The following SAXO1 variants were observed in gnomAD, a reference collection of about 807,000 sequenced individuals.
The protein encoded by SAXO1 is 4930500O09Rik.
In SAXO1, 21 loss-of-function variants were observed where a neutral mutation model predicts 17.5. That is an observed-to-expected ratio of 1.20 (90% CI 0.85 to 1.72). The LOEUF is 1.72. Ranked by LOEUF, SAXO1 falls within the 40% of genes most tolerant of loss-of-function variation. The pLI, the probability that SAXO1 is intolerant of heterozygous loss-of-function variation, is 0.00. For synonymous variants in SAXO1, 274 were observed against 216.5 expected (o/e 1.27, Z -2.33); for missense variants, 843 against 596.0 (o/e 1.41, Z -4.32).
chr9:18,942,039 C>G (rs1831585515), intron 2 of SAXO1, among the ~76,000 whole-genome samples, 200 bp from the exon 3 acceptor site: 1 of 116,142 alleles, frequency 8.6e-6, no homozygotes, highest in Admixed American at 7.6e-5. Flanking sequence ...AACTCAGACA[C>G]CTGTATTCAT....
intron 1 of SAXO1, among the ~76,000 whole-genome samples, chr9:19,021,393 A>G (rs1405454385): frequency 1.4e-4 from 22 of 152,182 alleles, no homozygotes; most frequent in Non-Finnish European, 1.5e-5. Flanking sequence ...CTTTTGATGA[A>G]CTCAGGAAAA....
At chr9:18,934,641 C>T (rs866823023) in intron 3 of SAXO1, among the ~76,000 whole-genome samples, 10 of 152,286 alleles carry the variant, frequency 6.6e-5, no homozygotes, top group South Asian at 6.2e-4. Context: ...TATTTGTCTG[C>T]GATGTCCAAC....
At chr9:18,965,212 C>A (rs959116653) in intron 1 of SAXO1, among the ~76,000 whole-genome samples, 1 of 152,148 alleles carries the variant, frequency 6.6e-6, no homozygotes, top group Non-Finnish European at 1.5e-5. Flanking sequence ...TGATGTGGTG[C>A]TGAGAAGAAT....
In SAXO1 at chr9:18,950,953, A is replaced by G; in HGVS notation, c.39-16T>C. The G allele has an allele frequency of 6.3e-7, 1 of 1,599,388 alleles. No homozygotes were observed. The highest frequency in any genetic ancestry group is 8.5e-7 in the Non-Finnish European group (1 of 1,171,554). ...GTGATGCCGCCTATAAAAGACACAG[A>G]GTTAGGTTGATTACCTTCTTGGGAG... is the stretch of plus-strand genomic sequence containing the variant. On this transcript the variant is annotated splice_polypyrimidine_tract_variant and intron_variant, in intron 1 of 3. Coordinates refer to ENST00000380534, the MANE Select transcript of SAXO1 (RefSeq NM_153707.4).
intron 1 of SAXO1, among the ~76,000 whole-genome samples, chr9:19,047,929 A>G (rs1836261104): frequency 6.6e-6 from 1 of 152,198 alleles, no homozygotes; most frequent in Non-Finnish European, 1.5e-5. Context: ...TGGTGGTGAA[A>G]GGCGATCAGA....
intron 1 of SAXO1, among the ~76,000 whole-genome samples, chr9:19,030,411 GAA>G (rs1364736519): frequency 6.6e-6 from 1 of 150,636 alleles, no homozygotes; most frequent in African/African-American, 2.5e-5. Flanking sequence ...CCAGACTTTA[GAA>G]AAGAGTCAAT....
intron 1 of SAXO1, among the ~76,000 whole-genome samples, chr9:18,984,553 G>C (rs183263738): frequency 1.3e-5 from 2 of 152,212 alleles, no homozygotes; most frequent in Non-Finnish European, 2.9e-5. Context: ...ATGTTGTAAA[G>C]AAGGCTTCTT....
At chr9:18,937,587 T>A (rs953306779) in intron 3 of SAXO1, among the ~76,000 whole-genome samples, 4 of 152,224 alleles carry the variant, frequency 2.6e-5, no homozygotes, top group Admixed American at 2.0e-4. Context: ...TACGGTGGTA[T>A]TGGGAGGTGA....
upstream of SAXO1, among the ~76,000 whole-genome samples, chr9:19,035,493 T>C (rs749537091): frequency 1.3e-5 from 2 of 152,156 alleles, no homozygotes; most frequent in African/African-American, 2.4e-5. Flanking sequence ...ATACAGTAAA[T>C]TGGTACCAGC....
intron 1 of SAXO1, among the ~76,000 whole-genome samples, chr9:19,018,582 G>C (rs1357786535): frequency 1.3e-5 from 2 of 152,330 alleles, no homozygotes; most frequent in South Asian, 4.1e-4. Flanking sequence ...CATGGCTAGA[G>C]TCCCAGGCTA....
rs115014186 is a variant in SAXO1 at position 19,030,203 on chromosome 9, G to A, written c.38+2668C>T. 4.3e-3 allele frequency among the ~76,000 whole-genome samples: 658 copies of A among 152,198 alleles called. 5 individuals are homozygous for A. Among genetic ancestry groups the A allele is most frequent in the African/African-American group, 0.015 (615 of 41,530 alleles). ...GATAAGGATCAGAAAAGGGACATCA[G>A]CAGGTCCACTCAGGGGATGCCAAGA... On this transcript the variant is annotated intron_variant, in intron 1 of 3. Transcript: ENST00000380534.
At chr9:19,013,874 C>T (rs571899706) in intron 1 of SAXO1, among the ~76,000 whole-genome samples, 31 of 152,200 alleles carry the variant, frequency 2.0e-4, no homozygotes, top group Admixed American at 9.8e-4. Context: ...TGAGATTTTA[C>T]ATGTTAGCAG....
upstream of SAXO1, among the ~76,000 whole-genome samples, chr9:19,036,261 A>G (rs1835934747): frequency 1.3e-5 from 2 of 151,934 alleles, no homozygotes; most frequent in Admixed American, 1.3e-4. Context: ...TAATAAAAAA[A>G]AAAAAAAAGA....
intron 1 of SAXO1, among the ~76,000 whole-genome samples, chr9:19,020,567 C>G (rs1835187778): frequency 6.6e-6 from 1 of 152,140 alleles, no homozygotes; most frequent in African/African-American, 2.4e-5. Context: ...CCATGCAGCC[C>G]AGGCTGGTCT....
chr9:18,976,138 T>A (rs1833141871), intron 1 of SAXO1, among the ~76,000 whole-genome samples: 1 of 152,160 alleles, frequency 6.6e-6, no homozygotes, highest in South Asian at 2.1e-4. Flanking sequence ...ACATATGACA[T>A]AATTAGGAAG....
At chr9:19,027,441 G>C in intron 1 of SAXO1, 2 of 759,600 alleles carry the variant, frequency 2.6e-6, no homozygotes, top group Admixed American at 3.6e-5. Context: ...AACTGGTGGA[G>C]GCCACTGTCT....
chr9:18,946,860 T>C (rs553079869), intron 2 of SAXO1, among the ~76,000 whole-genome samples: 1 of 151,950 alleles, frequency 6.6e-6, no homozygotes, highest in Non-Finnish European at 1.5e-5. Flanking sequence ...ATATGTGAAG[T>C]AGAACATTCA....
rs755455108 is a variant in SAXO1, at chr9:18,941,772, C to T, written c.286G>A (p.Glu96Lys). The T allele has an allele frequency of 3.7e-6, 6 of 1,614,160 alleles. No individual in the cohort carries two copies. Among genetic ancestry groups the T allele is most frequent in the Non-Finnish European group, 5.1e-6 (6 of 1,180,026 alleles). The change falls in exon 3 of 4, where the codon GAA becomes AAA. Residue 96 changes from glutamate to lysine, a missense_variant. By Grantham distance (56) the Glu-to-Lys change is moderately conservative (BLOSUM62 1). Transcript: ENST00000380534. ...VHQYDQFVPS[E>K]ENMDLLTTYK... ...GTCGTGAGCAAATCCATATTCTCTT[C>T]ACTCGGGACGAACTGGTCATACTGG...
At chr9:18,952,790 T>A (rs1832085146) in intron 1 of SAXO1, among the ~76,000 whole-genome samples, 1 of 152,238 alleles carries the variant, frequency 6.6e-6, no homozygotes. Flanking sequence ...TTAAATACAA[T>A]CAAGAAAAGT....
Sources: allele counts gnomAD v4.1 joint callset (sites outside exome capture counted in the v4.1 genomes callset), GRCh38; gene constraint gnomAD v4.1.1; transcripts MANE v1.5; gene names NCBI Gene and HGNC (gene_info 2026-07-23, HGNC 2026-07-21).